ASAP2: variants seen among roughly 807,000 people sequenced by gnomAD.
ASAP2 encodes ArfGAP with SH3 domain, ankyrin repeat and PH domain 2.
Under a neutral mutation model 131.4 loss-of-function variants are expected in ASAP2, and 45 were observed. The ratio of observed to expected loss-of-function variants is 0.34; its 90% CI spans 0.27 to 0.44. The LOEUF is 0.44. ASAP2 is among the 20% of genes least tolerant of loss of function. The pLI is 1.00. For missense variants in ASAP2, 1,011 were observed against 1,297.0 expected, an observed-to-expected ratio of 0.78 and a Z score of 3.39; for synonymous variants, 510 against 503.0, an observed-to-expected ratio of 1.01 and a Z score of -0.19.
chr2:9,276,799 CA>C (rs1213152717), intron 1 of ASAP2, among the ~76,000 whole-genome samples: 3 of 152,206 alleles, frequency 2.0e-5, no homozygotes, highest in Non-Finnish European at 4.4e-5. Flanking sequence ...CTCGACCTCT[CA>C]AAGTGTTGGG....
In ASAP2 at chr2:9,392,217, G is replaced by A. The variant is rs1056639016; in HGVS notation, c.2518+1021G>A. ...TCCTGAAAACCTTGGGTAAAGAAGC[G>A]GGAGGAGGTTTTTAGGAAGAAGTTT... On this transcript the variant is annotated intron_variant, in intron 23 of 27. Transcript: ENST00000281419. The surrounding 1 kb of genome is among the most constrained non-coding windows in gnomAD (Gnocchi z 4.0). Among the ~76,000 whole-genome samples the A allele has an allele frequency of 2.0e-5, 3 of 152,188 alleles. No homozygotes were observed. The highest frequency in any genetic ancestry group is 7.2e-5 in the African/African-American group (3 of 41,422).
intron 1 of ASAP2, among the ~76,000 whole-genome samples, chr2:9,216,453 A>ATTTTTT (rs999787414): frequency 7.0e-5 from 6 of 85,424 alleles, no homozygotes; most frequent in African/African-American, 9.6e-5. Flanking sequence ...TGCCTGTTTA[A>ATTTTTT]TTTTTTTTTT....
chr2:9,283,549 C>T (rs34057310), intron 2 of ASAP2, among the ~76,000 whole-genome samples: 24,079 of 152,234 alleles, frequency 0.16, 2,352 homozygotes, highest in Middle Eastern at 0.28. Flanking sequence ...CCTTAGCTCA[C>T]GGCTCCCTTC....
chr2:9,256,200 C>T (rs1312932002), intron 1 of ASAP2, among the ~76,000 whole-genome samples: 1 of 149,686 alleles, frequency 6.7e-6, no homozygotes, highest in Non-Finnish European at 1.5e-5. Context: ...GTAATTCTGG[C>T]AGCCCAATTA....
intron 1 of ASAP2, among the ~76,000 whole-genome samples, chr2:9,272,436 T>G (rs982003778): frequency 6.6e-6 from 1 of 151,186 alleles, no homozygotes; most frequent in Non-Finnish European, 1.5e-5. Flanking sequence ...TTGTTTGAGC[T>G]TCTTACATAT....
chr2:9,235,062 G>C (rs1043520872), intron 1 of ASAP2, among the ~76,000 whole-genome samples: 1 of 152,090 alleles, frequency 6.6e-6, no homozygotes, highest in Non-Finnish European at 1.5e-5. Flanking sequence ...GTCTCCAGAC[G>C]AGCTGAATTT....
chr2:9,346,404 C>A (rs1671967324), intron 11 of ASAP2, among the ~76,000 whole-genome samples: 1 of 150,922 alleles, frequency 6.6e-6, no homozygotes, highest in African/African-American at 2.5e-5. Flanking sequence ...CCACTGCACT[C>A]CAGCCTGGGA....
rs927128698 is a variant in ASAP2 at position 9,207,932 on chromosome 2, G to A, written c.126+702G>A. 6.6e-6 allele frequency among the ~76,000 whole-genome samples: 1 copy of A among 152,182 alleles called. No individual in the cohort carries two copies. Among genetic ancestry groups the A allele is most frequent in the African/African-American group, 2.4e-5 (1 of 41,438 alleles). On this transcript the variant is annotated intron_variant, in intron 1 of 27. Transcript: ENST00000281419. The surrounding 1 kb of genome is among the most constrained non-coding windows in gnomAD (Gnocchi z 4.1). ...GGAAAAGGCCTGGTTTTAGTAAAGT[G>A]CTCTCAAGGTGCAAAGTCATCACGC...
At chr2:9,349,649 C>T (rs982345205) in intron 11 of ASAP2, among the ~76,000 whole-genome samples, 5 of 152,214 alleles carry the variant, frequency 3.3e-5, no homozygotes, top group Admixed American at 6.5e-5. Flanking sequence ...AACACAGCCA[C>T]GAACCAGGAG....
At chr2:9,271,660 G>T in intron 1 of ASAP2, 2 of 762,796 alleles carry the variant, frequency 2.6e-6, no homozygotes, top group Non-Finnish European at 4.0e-6. Context: ...GGTGGAAATG[G>T]TCTGCGGAAG....
chr2:9,356,970 G>GT (rs764277223), intron 14 of ASAP2, among the ~76,000 whole-genome samples: 2 of 152,098 alleles, frequency 1.3e-5, no homozygotes, highest in Non-Finnish European at 2.9e-5. Flanking sequence ...GGGAGTGGGG[G>GT]TCGGGGACTA....
chr2:9,213,570 G>C (rs1193425710), intron 1 of ASAP2, among the ~76,000 whole-genome samples: 1 of 152,132 alleles, frequency 6.6e-6, no homozygotes, highest in Non-Finnish European at 1.5e-5. Flanking sequence ...GGGGTGAGGG[G>C]CTATTGCAGT....
At chr2:9,299,886 A>C (rs11676012) in intron 3 of ASAP2, among the ~76,000 whole-genome samples, 1 of 152,042 alleles carries the variant, frequency 6.6e-6, no homozygotes, top group African/African-American at 2.4e-5. Flanking sequence ...AGGTCAGTCA[A>C]TGTCATCCCC....
At chr2:9,313,715 A>C (rs990466122) in intron 3 of ASAP2, among the ~76,000 whole-genome samples, 4 of 152,148 alleles carry the variant, frequency 2.6e-5, no homozygotes, top group African/African-American at 9.7e-5. Flanking sequence ...GTTTTGTATG[A>C]TCGTGTAGAT....
At chr2:9,394,805 T>A (rs1300699057) in intron 24 of ASAP2, among the ~76,000 whole-genome samples, 1 of 152,122 alleles carries the variant, frequency 6.6e-6, no homozygotes, top group Non-Finnish European at 1.5e-5. Context: ...TACTGTGGGG[T>A]CTTCGTCTTT....
chr2:9,373,900 C>G (rs1011019382), intron 16 of ASAP2, among the ~76,000 whole-genome samples: 6 of 152,204 alleles, frequency 3.9e-5, no homozygotes, highest in African/African-American at 7.2e-5. Flanking sequence ...CGCTCTCCCT[C>G]TTGTAAGTTC....
At chr2:9,241,809 G>A (rs1663991234) in intron 1 of ASAP2, among the ~76,000 whole-genome samples, 1 of 152,196 alleles carries the variant, frequency 6.6e-6, no homozygotes, top group Non-Finnish European at 1.5e-5. Flanking sequence ...GGAAAGGGAT[G>A]GCATTTTGAT....
chr2:9,310,136 G>A (rs948388318), intron 3 of ASAP2, among the ~76,000 whole-genome samples: 2 of 152,224 alleles, frequency 1.3e-5, no homozygotes, highest in Admixed American at 1.3e-4. Context: ...TGTGCAGAAG[G>A]TGAATAGGTG....
At chr2:9,270,785 A>ATTTTTTTTTTCTTTTTTTTTTTTTT (rs1666301780) in intron 1 of ASAP2, among the ~76,000 whole-genome samples, 1 of 52,924 alleles carries the variant, frequency 1.9e-5, no homozygotes, top group African/African-American at 7.2e-5. Flanking sequence ...AATTGTTTTC[A>ATTTTTTTTTTCTTTTTTTTTTTTTT]TTTTTTTTTT....
Sources: allele counts gnomAD v4.1 joint callset (sites outside exome capture counted in the v4.1 genomes callset), GRCh38; gene constraint gnomAD v4.1.1; non-coding constraint Gnocchi (gnomAD v3.1); transcripts MANE v1.5; gene names NCBI Gene and HGNC (gene_info 2026-07-23, HGNC 2026-07-21).